KCNIP3: variants seen among roughly 807,000 people sequenced by gnomAD.
KCNIP3 encodes the protein calsenilin.
KCNIP3 carries 28 observed loss-of-function variants against 35.0 expected under a neutral mutation model. The ratio of observed to expected loss-of-function variants is 0.80; its 90% CI spans 0.59 to 1.10. The LOEUF (loss-of-function observed/expected upper bound fraction) is 1.10. Among genes scored for constraint, KCNIP3 ranks in the 50% least tolerant of loss-of-function variants. KCNIP3 has a pLI of 0.00. For missense variants in KCNIP3, 295 were observed against 338.4 expected, an observed-to-expected ratio of 0.87 and a Z score of 1.01; for synonymous variants, 134 against 133.8, an observed-to-expected ratio of 1.00 and a Z score of -0.01.
At chr2:95,326,578 C>CG (rs1170424213) in intron 2 of KCNIP3, among the ~76,000 whole-genome samples, 1 of 152,230 alleles carries the variant, frequency 6.6e-6, no homozygotes, top group African/African-American at 2.4e-5. Context: ...TGCTGCACTG[C>CG]GGCTGTGCTT....
intron 2 of KCNIP3, among the ~76,000 whole-genome samples, chr2:95,362,118 T>G (rs1679813111): frequency 6.6e-6 from 1 of 151,710 alleles, no homozygotes; most frequent in African/African-American, 2.4e-5. Context: ...TTTTTCTTTT[T>G]TTTTTTGAGA....
chr2:95,360,628 A>G (rs981454165), intron 2 of KCNIP3, among the ~76,000 whole-genome samples: 10 of 152,252 alleles, frequency 6.6e-5, no homozygotes, highest in Non-Finnish European at 1.3e-4. Context: ...TATAATGAAC[A>G]GATATGTATT....
intron 2 of KCNIP3, among the ~76,000 whole-genome samples, chr2:95,337,653 A>C (rs1335130227): frequency 6.6e-6 from 1 of 152,182 alleles, no homozygotes; most frequent in Non-Finnish European, 1.5e-5. Flanking sequence ...ATGCACTACT[A>C]TCATTCCCAT....
At chr2:95,319,937 A>T (rs1678548956) in intron 2 of KCNIP3, among the ~76,000 whole-genome samples, 1 of 152,124 alleles carries the variant, frequency 6.6e-6, no homozygotes, top group African/African-American at 2.4e-5. Flanking sequence ...AGAACAAGGG[A>T]GGGAGGGCAA....
At chr2:95,310,600 G>A (rs531283982) in intron 2 of KCNIP3, 80 bp downstream of exon 2, 3 of 1,521,654 alleles carry the variant, frequency 2.0e-6, no homozygotes, top group Non-Finnish European at 2.7e-6. Context: ...AGGGCTCAAA[G>A]GCCAGCCTGG....
chr2:95,323,957 C>A (rs1678658459), intron 2 of KCNIP3, among the ~76,000 whole-genome samples: 1 of 152,186 alleles, frequency 6.6e-6, no homozygotes, highest in Non-Finnish European at 1.5e-5. Flanking sequence ...TGCAGGGCTT[C>A]TGACTGCAGG....
In KCNIP3 at chr2:95,363,498, A is replaced by G. The variant is rs546744154; in HGVS notation, c.182-10798A>G. 1.2e-4 allele frequency among the ~76,000 whole-genome samples: 19 copies of G among 152,284 alleles called. No homozygotes were observed. In the East Asian group the frequency reaches 2.9e-3, roughly 23 times the overall value. ...CCATACAATTTTTATTACAATGACT[A>G]TACAACATGTACTAGTGTCTGAGAG... On this transcript the variant is annotated intron_variant, in intron 2 of 8. Transcript: ENST00000295225.
chr2:95,304,990 C>A lies in KCNIP3; in HGVS notation c.16-5365C>A, dbSNP rs557144066. 5.3e-5 allele frequency among the ~76,000 whole-genome samples: 8 copies of A among 152,310 alleles called. No homozygotes were observed. The South Asian group carries it at 1.7e-3, about 32-fold the overall frequency. On this transcript the variant is annotated intron_variant, in intron 1 of 8. Transcript: ENST00000295225. Reference sequence around the variant, plus strand: ...GACCTTTGAGAAGGCTGCAGGTCCCCAGGGCCAGCCTAGGGCCGTTTCTGG... The same window carrying A: ...GACCTTTGAGAAGGCTGCAGGTCCCAAGGGCCAGCCTAGGGCCGTTTCTGG...
chr2:95,325,266 C>A (rs1209627896), intron 2 of KCNIP3, among the ~76,000 whole-genome samples: 1 of 152,180 alleles, frequency 6.6e-6, no homozygotes. Flanking sequence ...TGGAGTGGGG[C>A]CTGGCGGAGA....
chr2:95,328,208 G>C (rs1313584242), intron 2 of KCNIP3, among the ~76,000 whole-genome samples: 1 of 152,178 alleles, frequency 6.6e-6, no homozygotes, highest in Admixed American at 6.5e-5. Flanking sequence ...AAACATGATG[G>C]CACACTCTCC....
chr2:95,297,955 G>A lies in KCNIP3; in HGVS notation c.15+502G>A, dbSNP rs569796897. Among the ~76,000 whole-genome samples the A allele has an allele frequency of 1.2e-3, 184 of 152,302 alleles. 1 individual carries two copies. The highest frequency in any genetic ancestry group is 4.2e-3 in the African/African-American group (173 of 41,570). On this transcript the variant is annotated intron_variant, in intron 1 of 8. Transcript: ENST00000295225. ...TCTTCTAATCAAGCAATCAAGTAAC[G>A]AATGAGTGCCCACTTCCTCTGAAAG...
At chr2:95,326,556 C>T (rs1444102322) in intron 2 of KCNIP3, among the ~76,000 whole-genome samples, 2 of 152,232 alleles carry the variant, frequency 1.3e-5, no homozygotes, top group Non-Finnish European at 2.9e-5. Context: ...GGAAGCCCTA[C>T]AGGACACCCC....
At chr2:95,334,417 C>T (rs1679007070) in intron 2 of KCNIP3, among the ~76,000 whole-genome samples, 1 of 152,200 alleles carries the variant, frequency 6.6e-6, no homozygotes, top group Admixed American at 6.5e-5. Flanking sequence ...AACTGAGGCT[C>T]AAGGAGGTGC....
intron 2 of KCNIP3, among the ~76,000 whole-genome samples, chr2:95,347,329 C>T (rs567038161): frequency 6.6e-6 from 1 of 152,206 alleles, no homozygotes; most frequent in African/African-American, 2.4e-5. Context: ...AGCGCTTGGG[C>T]TGGGTGTGAG....
chr2:95,373,658 G>A (rs1289155955), intron 2 of KCNIP3, among the ~76,000 whole-genome samples: 2 of 152,062 alleles, frequency 1.3e-5, no homozygotes, highest in Non-Finnish European at 2.9e-5. Context: ...TCCTGACCTC[G>A]TGATCTGCCT....
At chr2:95,358,124 C>T (rs1278186897) in intron 2 of KCNIP3, among the ~76,000 whole-genome samples, 3 of 152,070 alleles carry the variant, frequency 2.0e-5, no homozygotes, top group African/African-American at 4.8e-5. Flanking sequence ...GACATAGGCT[C>T]GAGAGGTTTT....
At chr2:95,320,924 C>G (rs1261256322) in intron 2 of KCNIP3, among the ~76,000 whole-genome samples, 3 of 141,326 alleles carry the variant, frequency 2.1e-5, no homozygotes, top group South Asian at 2.4e-4. Flanking sequence ...TCCCTGCCCC[C>G]CCAGCCTTCC....
intron 2 of KCNIP3, among the ~76,000 whole-genome samples, chr2:95,371,499 T>G (rs4854251): frequency 0.16 from 23,781 of 152,238 alleles, 2,158 homozygotes; most frequent in East Asian, 0.29. Context: ...TTGAAAAGAA[T>G]GTGTATCTAC....
intron 2 of KCNIP3, among the ~76,000 whole-genome samples, chr2:95,331,564 G>A (rs564692689): frequency 2.0e-5 from 3 of 152,316 alleles, no homozygotes; most frequent in East Asian, 3.9e-4. Context: ...AGTCGTGCAC[G>A]CTGATGTCTA....
Sources: gnomAD v4.1 joint callset for allele counts (sites outside exome capture counted in the v4.1 genomes callset) on GRCh38, gnomAD v4.1.1 for gene constraint, MANE v1.5 for transcripts, NCBI Gene and HGNC (gene_info 2026-07-23, HGNC 2026-07-21) for gene names.